The following UMAD1 variants were observed in gnomAD, a reference collection of about 807,000 sequenced individuals.
UMAD1 encodes the protein UBAP1-MVB12-associated (UMA) domain containing 1, also known as UBAP1-MVB12-associated (UMA)-domain containing protein 1.
In UMAD1, 8 loss-of-function variants were observed where a neutral mutation model predicts 6.1. The observed-to-expected ratio is 1.30, with a 90% CI of 0.76 to 2.35. The LOEUF is 2.35. UMAD1 is among the 30% of genes most tolerant of loss of function. The pLI is 0.00. For missense variants in UMAD1, 130 were observed against 78.4 expected (o/e 1.66, Z -2.49); for synonymous variants, 56 against 31.4 (o/e 1.78, Z -2.61).
intron 2 of UMAD1, among the ~76,000 whole-genome samples, chr7:7,707,892 G>T (rs1780646312): frequency 1.3e-5 from 2 of 152,160 alleles, no homozygotes; most frequent in South Asian, 4.1e-4. Context: ...AAACATTGAG[G>T]CTGCTTTCCA....
At position 7,835,462 on chromosome 7, in the gene UMAD1, CTTTTTTTTTTTTT is replaced by C. The variant is rs150411259; in HGVS notation, c.156+33745_156+33757del. 3.0e-4 allele frequency among the ~76,000 whole-genome samples: 10 copies of C among 33,682 alleles called. 1 individual carries two copies. In the South Asian group the frequency reaches 7.8e-3, roughly 26 times the overall value. The allele number at this position is 33,682 out of a possible 152,430, so 22.1% of individuals were successfully genotyped here. ...CATTCATTCACTCATTGAAACAGCACTTTTTTTTTTTTTTTTTTTTTTTTTTTTTTTTTTTTTT... is the reference window on the plus strand; with the variant it reads ...CATTCATTCACTCATTGAAACAGCACTTTTTTTTTTTTTTTTTTTTTTTTT... On this transcript the variant is annotated intron_variant, in intron 3 of 3. Coordinates refer to ENST00000682710, the MANE Select transcript of UMAD1 (RefSeq NM_001302348.2).
At chr7:7,816,340 G>A (rs1783126418) in intron 3 of UMAD1, among the ~76,000 whole-genome samples, 1 of 152,168 alleles carries the variant, frequency 6.6e-6, no homozygotes, top group Non-Finnish European at 1.5e-5. Flanking sequence ...CTTTTCCGTA[G>A]TGCCTTCTCC....
intron 3 of UMAD1, among the ~76,000 whole-genome samples, chr7:7,859,566 G>A (rs980502658): frequency 3.3e-5 from 5 of 152,260 alleles, no homozygotes; most frequent in Admixed American, 2.0e-4. Context: ...TTGAGAGCTG[G>A]ATCATCTGGT....
intron 1 of UMAD1, among the ~76,000 whole-genome samples, chr7:7,668,363 TA>T (rs1023658359): frequency 3.9e-5 from 6 of 152,170 alleles, no homozygotes; most frequent in African/African-American, 1.4e-4. Context: ...GGCAACTAAG[TA>T]AAAAAATTTA....
intron 1 of UMAD1, among the ~76,000 whole-genome samples, chr7:7,642,072 A>G (rs1679017821): frequency 6.6e-6 from 1 of 152,210 alleles, no homozygotes; most frequent in African/African-American, 2.4e-5. Flanking sequence ...TTTGTACTTT[A>G]GCATTGTTTT....
chr7:7,800,420 A>G (rs1017702330), intron 2 of UMAD1, among the ~76,000 whole-genome samples: 14 of 152,228 alleles, frequency 9.2e-5, no homozygotes, highest in African/African-American at 2.9e-4. Flanking sequence ...AGGCTTATAA[A>G]TATTTTTTAT....
At chr7:7,773,676 A>G (rs762416699) in intron 2 of UMAD1, among the ~76,000 whole-genome samples, 2 of 152,362 alleles carry the variant, frequency 1.3e-5, no homozygotes, top group Non-Finnish European at 2.9e-5. Flanking sequence ...CCAACACACT[A>G]GAAACCAAAC....
At chr7:7,736,888 A>C (rs912508661) in intron 2 of UMAD1, 1 of 152,300 alleles carries the variant, frequency 6.6e-6, no homozygotes, top group African/African-American at 2.4e-5. Flanking sequence ...CCTCCTGCTG[A>C]GCTGGCTGCT....
intron 1 of UMAD1, among the ~76,000 whole-genome samples, chr7:7,660,309 TTAA>T (rs1486002401): frequency 6.6e-6 from 1 of 152,250 alleles, no homozygotes; most frequent in Non-Finnish European, 1.5e-5. Context: ...ACATTTCAGG[TTAA>T]TAATGTTATG....
intron 1 of UMAD1, among the ~76,000 whole-genome samples, chr7:7,648,073 C>A (rs1785137809): frequency 6.6e-6 from 1 of 152,238 alleles, no homozygotes; most frequent in South Asian, 2.1e-4. Context: ...GCTTAGCTGA[C>A]AGCTGGCCTG....
rs576501526 is a variant in UMAD1, at chr7:7,788,058, C to T, written c.83-13612C>T. 6.6e-5 allele frequency among the ~76,000 whole-genome samples: 10 copies of T among 152,334 alleles called. No homozygotes were observed. In the South Asian group the frequency reaches 2.1e-3, roughly 32 times the overall value. ...GAAACAGCCGTTTAGTCAGAGCCTACTTGGTGCCAGTCACTTTACCAGATG... is the reference window on the plus strand; with the variant it reads ...GAAACAGCCGTTTAGTCAGAGCCTATTTGGTGCCAGTCACTTTACCAGATG... On this transcript the variant is annotated intron_variant, in intron 2 of 3. Transcript: ENST00000682710.
At chr7:7,713,339 A>G (rs1046657056) in intron 2 of UMAD1, among the ~76,000 whole-genome samples, 105 of 152,106 alleles carry the variant, frequency 6.9e-4, no homozygotes, top group African/African-American at 2.5e-3. Context: ...GTGAGACTCC[A>G]TCTCAAAACA....
At chr7:7,820,667 G>A (rs1783224608) in intron 3 of UMAD1, among the ~76,000 whole-genome samples, 1 of 151,978 alleles carries the variant, frequency 6.6e-6, no homozygotes, top group Admixed American at 6.6e-5. Flanking sequence ...GGGCCAAAGA[G>A]CTTGTTAGCC....
intron 2 of UMAD1, among the ~76,000 whole-genome samples, chr7:7,710,061 G>C (rs140230095): frequency 1.5e-4 from 23 of 152,184 alleles, no homozygotes; most frequent in African/African-American, 5.5e-4. Context: ...ATGTTCTTCA[G>C]CAATTTGCCT....
At chr7:7,784,594 C>T (rs1253274792) in intron 2 of UMAD1, among the ~76,000 whole-genome samples, 1 of 151,802 alleles carries the variant, frequency 6.6e-6, no homozygotes, top group Non-Finnish European at 1.5e-5. Context: ...ATCCGCCCTC[C>T]TCGGCGTCCC....
rs1288827663 is a variant in UMAD1 at position 7,792,991 on chromosome 7, A to G, written c.83-8679A>G. Among the ~76,000 whole-genome samples, 3 of 152,240 alleles carry G rather than the reference A, an allele frequency of 2.0e-5. No individual in the cohort carries two copies. In the East Asian group the frequency reaches 5.8e-4, roughly 29 times the overall value. On this transcript the variant is annotated intron_variant, in intron 2 of 3. Coordinates refer to ENST00000682710, the MANE Select transcript of UMAD1 (RefSeq NM_001302348.2). ...CCAAAGGCTCCACCTCTTACTACCAACACACTGGGGATTAGGTTTCAATAT... is the reference window on the plus strand; with the variant it reads ...CCAAAGGCTCCACCTCTTACTACCAGCACACTGGGGATTAGGTTTCAATAT...
chr7:7,652,652 G>A (rs538347049), intron 1 of UMAD1, among the ~76,000 whole-genome samples: 3 of 152,342 alleles, frequency 2.0e-5, no homozygotes, highest in Admixed American at 6.5e-5. Context: ...TTTGGAGAAA[G>A]TGACTTGTCT....
Position 7,797,966 on chromosome 7 carries a change from C to T in UMAD1, c.83-3704C>T, listed in dbSNP as rs1308095053. Among the ~76,000 whole-genome samples, 4 of 152,182 alleles carry T rather than the reference C, an allele frequency of 2.6e-5. No homozygotes were observed. In the East Asian group the frequency reaches 7.7e-4, roughly 29 times the overall value. ...CCTCCCAAAGTGCTGGGATTATAGG[C>T]GTGAGCCACCGTGCCTGGCCATCAT... On this transcript the variant is annotated intron_variant, in intron 2 of 3. Coordinates refer to ENST00000682710, the MANE Select transcript of UMAD1 (RefSeq NM_001302348.2).
intron 2 of UMAD1, among the ~76,000 whole-genome samples, chr7:7,782,734 C>CT (rs777169882): frequency 0.018 from 2,293 of 127,112 alleles, 45 homozygotes; most frequent in African/African-American, 0.036. Context: ...TAACCTCTCT[C>CT]TTTTTTTTTT....
Sources: allele counts gnomAD v4.1 joint callset (sites outside exome capture counted in the v4.1 genomes callset), GRCh38; gene constraint gnomAD v4.1.1; transcripts MANE v1.5; gene names NCBI Gene and HGNC (gene_info 2026-07-23, HGNC 2026-07-21).